MPHOSPH9: variants seen among roughly 807,000 people sequenced by gnomAD.
MPHOSPH9 encodes M-phase phosphoprotein 9.
A neutral mutation model predicts 145.5 loss-of-function variants in MPHOSPH9; 88 were observed. The ratio of observed to expected loss-of-function variants is 0.60; its 90% confidence interval spans 0.51 to 0.72. The LOEUF (loss-of-function observed/expected upper bound fraction) is 0.72, where lower values mean the gene tolerates loss of function less well. Ranked by LOEUF, MPHOSPH9 falls within the 30% of genes least tolerant of loss-of-function variation. The pLI, the probability that MPHOSPH9 is intolerant of heterozygous loss-of-function variation, is 0.00. For missense variants in MPHOSPH9, 1,238 were observed against 1,386.6 expected, an observed-to-expected ratio of 0.89 and a Z score of 1.70; for synonymous variants, 435 against 486.2, an observed-to-expected ratio of 0.89 and a Z score of 1.39.
intron 1 of MPHOSPH9, among the ~76,000 whole-genome samples, chr12:123,231,232 G>A (rs955707357): frequency 3.9e-5 from 6 of 152,006 alleles, no homozygotes; most frequent in African/African-American, 1.4e-4. Context: ...TCAGCCTCCC[G>A]AGCAGCTGGG....
At chr12:123,238,332 G>A (rs756406769) in intron 1 of MPHOSPH9, among the ~76,000 whole-genome samples, 6 of 152,144 alleles carry the variant, frequency 3.9e-5, no homozygotes, top group Non-Finnish European at 8.8e-5. Flanking sequence ...GTCTGTTTAA[G>A]CTCAATGTTG....
rs190690347 is a variant in MPHOSPH9 at position 123,221,697 on chromosome 12, T to C, written c.547A>G (p.Thr183Ala). The C allele has an allele frequency of 5.9e-5, 96 of 1,614,086 alleles. 1 individual carries two copies. The Admixed American group carries it at 1.6e-3, about 27-fold the overall frequency. Residue 183 changes from threonine to alanine, a missense_variant, in exon 5 of 24, where the codon ACG (threonine) becomes GCG (alanine). Thr to Ala is a moderately conservative substitution (Grantham distance 58). Around this residue, in one of 3 missense-constraint regions of MPHOSPH9, gnomAD observed 837 missense variants for 897.5 expected, o/e 0.93. Coordinates refer to ENST00000606320, the MANE Select transcript of MPHOSPH9 (RefSeq NM_022782.4). Reference sequence around the variant, plus strand: ...TCCACATTGCAGTCTGGTTGTGACGTGGACATTTCTTGCTGTATTTCAGGT... The same window carrying C: ...TCCACATTGCAGTCTGGTTGTGACGCGGACATTTCTTGCTGTATTTCAGGT... The part of the protein sequence containing the change: ...TEPEIQQEMS[T>A]SQPDCNVDSC...
At chr12:123,178,073 G>A (rs908167411) in intron 15 of MPHOSPH9, among the ~76,000 whole-genome samples, 6 of 152,084 alleles carry the variant, frequency 3.9e-5, no homozygotes, top group East Asian at 3.8e-4. Context: ...ATGAGGTCTC[G>A]CTCGGTCACC....
At chr12:123,199,291 C>A (rs558837770) in intron 11 of MPHOSPH9, among the ~76,000 whole-genome samples, 1 of 152,208 alleles carries the variant, frequency 6.6e-6, no homozygotes, top group African/African-American at 2.4e-5. Context: ...TATAACTATT[C>A]TTATAATTAA....
chr12:123,209,089 C>G (rs1012751061), intron 8 of MPHOSPH9, among the ~76,000 whole-genome samples: 1 of 151,946 alleles, frequency 6.6e-6, no homozygotes, highest in Non-Finnish European at 1.5e-5. Flanking sequence ...CATGCCACCA[C>G]GCCCAGCTAA....
intron 17 of MPHOSPH9, among the ~76,000 whole-genome samples, chr12:123,166,055 G>A (rs890135794): frequency 2.6e-5 from 4 of 152,192 alleles, no homozygotes; most frequent in Non-Finnish European, 5.9e-5. Context: ...GGCTGCTCAC[G>A]CAGGCTCGGG....
chr12:123,223,945 T>A (rs906470028), intron 3 of MPHOSPH9, among the ~76,000 whole-genome samples: 1 of 151,588 alleles, frequency 6.6e-6, no homozygotes, highest in African/African-American at 2.4e-5. Context: ...ATTTATTTTT[T>A]TTTTTGAGAC....
chr12:123,194,529 T>C lies in MPHOSPH9; in HGVS notation c.2098A>G (p.Arg700Gly), dbSNP rs769243201. The change falls in exon 13 of 24, where the codon AGA becomes GGA. Residue 700 changes from arginine (R) to glycine (G), a missense_variant. Arg to Gly is a moderately radical substitution (Grantham distance 125). This residue lies in a region of MPHOSPH9 where 837 missense variants were observed against 897.5 expected (regional missense o/e 0.93). Transcript: ENST00000606320. ...TTGTCTTTTTCTTTACTGCTTGTTC[T>C]CATTTCTTCAATTCGTTCCTGCAAA... ...KILQERIEEM[R>G]TSSKEKDNTI... 1 of 1,613,382 alleles carries C rather than the reference T, an allele frequency of 6.2e-7. No individual in the cohort carries two copies. Among genetic ancestry groups the C allele is most frequent in the South Asian group, 1.1e-5 (1 of 90,848 alleles).
chr12:123,203,401 T>C, intron 8 of MPHOSPH9, 26 bp from the exon 9 acceptor site: 2 of 1,556,088 alleles, frequency 1.3e-6, no homozygotes, highest in South Asian at 2.4e-5. Flanking sequence ...CAAAATTAAA[T>C]GGTGTTATCA....
chr12:123,194,356 G>T, intron 13 of MPHOSPH9, 30 bp downstream of exon 13: 2 of 1,354,276 alleles, frequency 1.5e-6, no homozygotes, highest in Non-Finnish European at 2.1e-6. Flanking sequence ...AGCCAATCAC[G>T]TCATTAAGTT....
rs931497387 is a variant in MPHOSPH9, at chr12:123,230,507, A to C, written c.-143T>G. On this transcript the variant is annotated 5_prime_UTR_variant, in exon 2 of 24. Transcript: ENST00000606320. ...AACATTCAGAACTGTGAAATATCCT[A>C]AACTTCCAAGAGAGTCTGAAAATGA... 1.4e-5 allele frequency: 7 copies of C among 503,896 alleles called. No individual in the cohort carries two copies. The highest frequency in any genetic ancestry group is 3.0e-5 in the South Asian group (1 of 33,568). The allele number at this position is 503,896 out of a possible 1,614,324, so 31.2% of individuals were successfully genotyped here.
intron 18 of MPHOSPH9, 106 bp from the exon 19 acceptor site, chr12:123,164,196 C>G (rs2137902128): frequency 7.7e-7 from 1 of 1,306,880 alleles, no homozygotes; most frequent in African/African-American, 1.5e-5. Flanking sequence ...ACACACCAAG[C>G]CCCACAGCTT....
intron 13 of MPHOSPH9, among the ~76,000 whole-genome samples, chr12:123,185,910 G>A (rs1043914791): frequency 3.9e-5 from 6 of 152,002 alleles, no homozygotes; most frequent in Non-Finnish European, 8.8e-5. Context: ...TAAATTTCCT[G>A]AGGATGAAAA....
intron 8 of MPHOSPH9, among the ~76,000 whole-genome samples, chr12:123,206,910 C>T (rs1218359328): frequency 3.4e-5 from 5 of 147,650 alleles, no homozygotes; most frequent in Admixed American, 2.7e-4. Flanking sequence ...AAGACTCCGT[C>T]TCAAAAAAAA....
At chr12:123,205,859 GTCATTCCCTGCTCATGA>G (rs2046404280) in intron 8 of MPHOSPH9, among the ~76,000 whole-genome samples, 1 of 152,180 alleles carries the variant, frequency 6.6e-6, no homozygotes, top group African/African-American at 2.4e-5. Flanking sequence ...GTGACAGACT[GTCATTCCCTGCTCATGA>G]GCTCAAAATT....
In MPHOSPH9 at chr12:123,166,251, C is replaced by T. The variant is rs542666622; in HGVS notation, c.2591+404G>A. 11 of 210,928 alleles carry T rather than the reference C, an allele frequency of 5.2e-5. No individual in the cohort carries two copies. The South Asian group carries it at 5.2e-4, about 10-fold the overall frequency. The allele number at this position is 210,928 out of a possible 1,614,324, so 13.1% of individuals were successfully genotyped here. A position where few individuals can be genotyped will look rare whatever the true frequency, so the allele number is the denominator to read the frequency against. On this transcript the variant is annotated intron_variant, in intron 17 of 23. Transcript: ENST00000606320. ...CCTCCCAAGTAGCTAAAACTACAGG[C>T]GCATGTCACCATGCCCGGCTAATAT...
intron 4 of MPHOSPH9, 76 bp downstream of exon 4, chr12:123,222,952 GTATATATATA>G (rs878984165): frequency 1.3e-5 from 9 of 716,292 alleles, no homozygotes; most frequent in Admixed American, 1.2e-4. Flanking sequence ...ATGTGTGTGT[GTATATATATA>G]TGTGTGTGTG....
At chr12:123,191,082 G>T (rs182349479) in intron 13 of MPHOSPH9, among the ~76,000 whole-genome samples, 2 of 152,242 alleles carry the variant, frequency 1.3e-5, no homozygotes, top group Admixed American at 1.3e-4. Flanking sequence ...AGCACTTTGG[G>T]AGGCTGAGGC....
In MPHOSPH9 at chr12:123,196,755, T is replaced by C. The variant is rs140938221; in HGVS notation, c.2025+1492A>G. On this transcript the variant is annotated intron_variant, in intron 12 of 23. Transcript: ENST00000606320. ...ATAATTTAAATAGCCAGAAAGTATA[T>C]AAACATTACCTGATGAATGTAAACA... 6.7e-3 allele frequency among the ~76,000 whole-genome samples: 1,025 copies of C among 152,242 alleles called. 7 individuals are homozygous for C. Among genetic ancestry groups the C allele is most frequent in the Middle Eastern group, 0.017 (5 of 294 alleles).
Sources: gnomAD v4.1 joint callset for allele counts (sites outside exome capture counted in the v4.1 genomes callset) on GRCh38, gnomAD v4.1.1 for gene constraint, gnomAD v4.1.1 regional missense constraint, MANE v1.5 for transcripts, NCBI Gene and HGNC (gene_info 2026-07-23, HGNC 2026-07-21) for gene names.